PPP1R9A: variants seen among roughly 807,000 people sequenced by gnomAD.
PPP1R9A encodes the protein neurabin-1.
Under a neutral mutation model 141.9 loss-of-function variants are expected in PPP1R9A, and 59 were observed. That is an observed-to-expected ratio of 0.42 (90% CI 0.34 to 0.52). PPP1R9A has a LOEUF of 0.52. Ranked by LOEUF, PPP1R9A falls within the 20% of genes least tolerant of loss-of-function variation. The probability of loss-of-function intolerance (pLI) is 0.10; values close to 1 mark genes in which losing one functional copy is unlikely to be tolerated. For missense variants in PPP1R9A, 1,444 were observed against 1,611.9 expected (o/e 0.90, Z 1.78); for synonymous variants, 500 against 569.7 (o/e 0.88, Z 1.74).
intron 2 of PPP1R9A, among the ~76,000 whole-genome samples, chr7:95,030,726 G>A (rs1037099812): frequency 4.6e-5 from 7 of 152,126 alleles, no homozygotes; most frequent in Non-Finnish European, 8.8e-5. Context: ...TAATTTGATC[G>A]ACTCAACCAA....
At position 95,141,267 on chromosome 7, in the gene PPP1R9A, A is replaced by T. The variant is rs543952215; in HGVS notation, c.1649+20435A>T. On this transcript the variant is annotated intron_variant, in intron 4 of 19. Coordinates refer to ENST00000433360, the MANE Select transcript of PPP1R9A (RefSeq NM_001166160.2). ...TGAAAACTAGGCCAAGTGATTAGAAATATATTTTATTGGAATGATGAAGCT... is the reference window on the plus strand; with the variant it reads ...TGAAAACTAGGCCAAGTGATTAGAATTATATTTTATTGGAATGATGAAGCT... Among the ~76,000 whole-genome samples, 48 of 152,298 alleles carry T rather than the reference A, an allele frequency of 3.2e-4. 1 individual carries two copies. The highest frequency in any genetic ancestry group is 1.8e-3 in the Admixed American group (27 of 15,288).
At chr7:94,908,041 G>A (rs889297759) in intron 1 of PPP1R9A, 1 of 150,058 alleles carries the variant, frequency 6.7e-6, no homozygotes, top group African/African-American at 2.4e-5. Context: ...CCGGCGCCGA[G>A]CCGAGCCGCC....
rs139844676 is a variant in PPP1R9A, at chr7:94,915,818, G to A, written c.1395+4310G>A. Among the ~76,000 whole-genome samples the A allele has an allele frequency of 8.9e-3, 1,349 of 152,224 alleles. 86 individuals carry two copies. The highest frequency in any genetic ancestry group is 0.081 in the Admixed American group (1,243 of 15,288). ...CCATAGACTAATGATTTCCTGGGTC[G>A]ATGATACACACTTGTTCTGTTGAAG... On this transcript the variant is annotated intron_variant, in intron 2 of 19. Coordinates refer to ENST00000433360, the MANE Select transcript of PPP1R9A (RefSeq NM_001166160.2).
At chr7:95,255,483 A>G (rs1799446125) in intron 12 of PPP1R9A, among the ~76,000 whole-genome samples, 1 of 152,134 alleles carries the variant, frequency 6.6e-6, no homozygotes, top group Admixed American at 6.6e-5. Flanking sequence ...AGTAAGTGTG[A>G]TATCATTTAA....
chr7:94,939,826 AC>A (rs1199173409), intron 2 of PPP1R9A, among the ~76,000 whole-genome samples: 6 of 148,022 alleles, frequency 4.1e-5, no homozygotes, highest in Non-Finnish European at 8.9e-5. Flanking sequence ...GTACACACAC[AC>A]ACACACACAC....
intron 8 of PPP1R9A, among the ~76,000 whole-genome samples, chr7:95,232,145 A>G (rs956925431): frequency 1.6e-4 from 25 of 152,240 alleles, no homozygotes; most frequent in African/African-American, 5.5e-4. Context: ...TCTAGAGGAG[A>G]TGTTTAAATT....
chr7:95,119,206 A>G (rs1822075845), intron 3 of PPP1R9A, among the ~76,000 whole-genome samples: 1 of 152,146 alleles, frequency 6.6e-6, no homozygotes, highest in African/African-American at 2.4e-5. Context: ...AACTTTAACT[A>G]AAACATGTGG....
rs750931790 is a variant in PPP1R9A at position 95,252,078 on chromosome 7, C to T, written c.2613C>T (p.Thr871=). The T allele has an allele frequency of 6.8e-6, 11 of 1,609,280 alleles. No individual in the cohort carries two copies. In the South Asian group the frequency reaches 1.2e-4, roughly 18 times the overall value. Residue 871 remains threonine (T), a synonymous_variant, in exon 12 of 20, where the codon ACC becomes ACT. Transcript: ENST00000433360. ...TTGGTGAAGTCTCTAAAGGGGATAC[C>T]ATGGAGAACTTGGATGGCAAGCAGA... ...TSLGEVSKGD[T]MENLDGKQTS... is the part of the protein sequence containing the mutation.
chr7:95,080,256 T>C (rs1318087639), intron 2 of PPP1R9A, among the ~76,000 whole-genome samples: 3 of 152,148 alleles, frequency 2.0e-5, no homozygotes, highest in East Asian at 1.9e-4. Context: ...GGATACAAAA[T>C]CAATGTGCAA....
chr7:94,968,259 G>C (rs1173860258), intron 2 of PPP1R9A, among the ~76,000 whole-genome samples: 2 of 151,276 alleles, frequency 1.3e-5, no homozygotes, highest in Non-Finnish European at 3.0e-5. Context: ...TGCAAGCTCC[G>C]CCTCCCGGGT....
intron 2 of PPP1R9A, among the ~76,000 whole-genome samples, chr7:95,027,955 G>A (rs1807124060): frequency 6.6e-6 from 1 of 151,966 alleles, no homozygotes; most frequent in Admixed American, 6.6e-5. Flanking sequence ...TTTTTGTGCT[G>A]TGGCTTCATG....
intron 2 of PPP1R9A, among the ~76,000 whole-genome samples, chr7:95,075,913 T>G (rs552397639): frequency 6.6e-6 from 1 of 152,216 alleles, no homozygotes; most frequent in African/African-American, 2.4e-5. Flanking sequence ...AATGGGTAAC[T>G]TGTGGGAAAG....
At chr7:95,040,326 A>G (rs772320456) in intron 2 of PPP1R9A, among the ~76,000 whole-genome samples, 6 of 152,050 alleles carry the variant, frequency 3.9e-5, no homozygotes, top group Non-Finnish European at 5.9e-5. Context: ...CAAAAAAAAA[A>G]AGTGCTATAA....
At chr7:94,959,839 T>A (rs1157340215) in intron 2 of PPP1R9A, among the ~76,000 whole-genome samples, 1 of 151,782 alleles carries the variant, frequency 6.6e-6, no homozygotes, top group Non-Finnish European at 1.5e-5. Context: ...TTGATTCTCC[T>A]AAATATTTCA....
intron 2 of PPP1R9A, among the ~76,000 whole-genome samples, chr7:95,104,375 A>T (rs1422903347): frequency 6.6e-6 from 1 of 152,168 alleles, no homozygotes. Flanking sequence ...TAAGGACAGA[A>T]ATCTGGGATT....
At chr7:95,041,657 C>T (rs906811834) in intron 2 of PPP1R9A, among the ~76,000 whole-genome samples, 7 of 151,898 alleles carry the variant, frequency 4.6e-5, no homozygotes, top group Admixed American at 1.3e-4. Context: ...TGTAGTTTCT[C>T]GTAACTAGAA....
At chr7:94,952,638 G>T (rs1186875457) in intron 2 of PPP1R9A, among the ~76,000 whole-genome samples, 1 of 152,022 alleles carries the variant, frequency 6.6e-6, no homozygotes, top group Non-Finnish European at 1.5e-5. Flanking sequence ...ACTTTTTAAT[G>T]ATTGCCATTC....
At chr7:95,009,241 G>A (rs1282760722) in intron 2 of PPP1R9A, among the ~76,000 whole-genome samples, 1 of 152,086 alleles carries the variant, frequency 6.6e-6, no homozygotes, top group Admixed American at 6.5e-5. Context: ...CATGGCACAT[G>A]GATACATATG....
chr7:94,941,505 G>T (rs560393173), intron 2 of PPP1R9A, among the ~76,000 whole-genome samples: 2 of 152,090 alleles, frequency 1.3e-5, no homozygotes, highest in Non-Finnish European at 2.9e-5. Flanking sequence ...CTCTTTTTAA[G>T]AAGGGAAGAA....
Sources: gnomAD v4.1 joint callset for allele counts (sites outside exome capture counted in the v4.1 genomes callset) on GRCh38, gnomAD v4.1.1 for gene constraint, MANE v1.5 for transcripts, NCBI Gene and HGNC (gene_info 2026-07-23, HGNC 2026-07-21) for gene names.